Variants in ERBB2 observed in about 807,000 individuals in gnomAD.
ERBB2 encodes the protein erb-b2 receptor tyrosine kinase 2.
Under a neutral mutation model 149.0 loss-of-function variants are expected in ERBB2, and 61 were observed. The observed-to-expected ratio is 0.41, with a 90% CI of 0.33 to 0.51. ERBB2 has a LOEUF of 0.51. Among genes scored for constraint, ERBB2 ranks in the 20% least tolerant of loss-of-function variants. ERBB2 has a pLI of 0.25. For synonymous variants in ERBB2, 633 were observed against 678.8 expected, an observed-to-expected ratio of 0.93 and a Z score of 1.05; for missense variants, 1,205 against 1,655.1, an observed-to-expected ratio of 0.73 and a Z score of 4.72.
chr17:39,691,204 A>C (rs2517961), upstream of ERBB2, among the ~76,000 whole-genome samples: 147,919 of 152,098 alleles, frequency 0.97, 71,945 homozygotes, highest in East Asian at 1. Context: ...AAGGCACTGT[A>C]CTTTTCATGG....
At chr17:39,717,055 G>C (rs1286325676) in intron 14 of ERBB2, 2 of 480,878 alleles carry the variant, frequency 4.2e-6, no homozygotes, top group Non-Finnish European at 7.4e-6. Context: ...GTTACTCGCT[G>C]TTACACCTTA....
chr17:39,708,258 C>G, intron 2 of ERBB2, 63 bp from the exon 3 acceptor site: 3 of 1,378,242 alleles, frequency 2.2e-6, no homozygotes, highest in Admixed American at 1.8e-5. Flanking sequence ...CTGGGGAACC[C>G]CAGGGAGGCC....
rs774137752 is a variant in ERBB2, at chr17:39,725,816, C to CT, written c.2835_2836insT (p.Ile946TyrfsTer5). 4.3e-6 allele frequency: 7 copies of CT among 1,613,804 alleles called. No homozygotes were observed. The African/African-American group carries it at 9.3e-5, about 22-fold the overall frequency. ...AGGGGGAGCGGCTGCCCCAGCCCCC[C>CT]ATCTGCACCATTGATGTCTACATGA... On this transcript the variant is annotated frameshift_variant, in exon 23 of 27. Coordinates refer to ENST00000269571, the MANE Select transcript of ERBB2 (RefSeq NM_004448.4). LOFTEE classifies it high-confidence loss of function. The surrounding 1 kb of genome is among the most constrained non-coding windows in gnomAD (Gnocchi z 4.6).
In ERBB2 at chr17:39,723,237, A is replaced by G; in HGVS notation, c.1947-82A>G. The G allele has an allele frequency of 7.0e-7, 1 of 1,421,026 alleles. No homozygotes were observed. The highest frequency in any genetic ancestry group is 1.2e-5 in the South Asian group (1 of 80,042). The allele number at this position is 1,421,026 out of a possible 1,614,324, so 88.0% of individuals were successfully genotyped here. A position where few individuals can be genotyped will look rare whatever the true frequency, so the allele number is the denominator to read the frequency against. On this transcript the variant is annotated intron_variant, in intron 16 of 26. Transcript: ENST00000269571. This position sits in a 1 kb window ranked among gnomAD's most constrained non-coding sequence, Gnocchi z 6.2. ...CGACTTCCCTTTCCGAATGCCAAAC[A>G]CCTTCATGTCCCCCGTGGGCCCCCT...
At chr17:39,693,469 T>C (rs1431188563), upstream of ERBB2, 1 of 152,214 alleles carries the variant, frequency 6.6e-6, no homozygotes, top group East Asian at 1.9e-4. Context: ...AGTATTCTGG[T>C]AAACAGTAGA....
At position 39,727,767 on chromosome 17, in the gene ERBB2, G is replaced by T; in HGVS notation, c.3491G>T (p.Gly1164Val). The T allele has an allele frequency of 1.9e-6, 3 of 1,607,618 alleles. No homozygotes were observed. Among genetic ancestry groups the T allele is most frequent in the Non-Finnish European group, 1.7e-6 (2 of 1,175,342 alleles). ...CCTCTGCCTGCTGCCCGACCTGCTGGTGCCACTCTGGAAAGGCCCAAGACT... is the reference window on the plus strand; with the variant it reads ...CCTCTGCCTGCTGCCCGACCTGCTGTTGCCACTCTGGAAAGGCCCAAGACT... ...EGPLPAARPA[G>V]ATLERPKTLS... Residue 1164 changes from glycine to valine, a missense_variant, in exon 27 of 27, where the codon GGT (glycine) becomes GTT (valine). Around this residue, in one of 6 missense-constraint regions of ERBB2, gnomAD observed 312 missense variants for 343.8 expected, o/e 0.91. Transcript: ENST00000269571. The surrounding 1 kb of genome is among the most constrained non-coding windows in gnomAD (Gnocchi z 4.3).
chr17:39,723,675 C>A lies in ERBB2; in HGVS notation c.2208+15C>A, dbSNP rs2145817656. 6.3e-7 allele frequency: 1 copy of A among 1,595,982 alleles called. No homozygotes were observed. Among genetic ancestry groups the A allele is most frequent in the African/African-American group, 1.3e-5 (1 of 74,860 alleles). On this transcript the variant is annotated intron_variant, in intron 18 of 26. Coordinates refer to ENST00000269571, the MANE Select transcript of ERBB2 (RefSeq NM_004448.4). This position sits in a 1 kb window ranked among gnomAD's most constrained non-coding sequence, Gnocchi z 6.2. ...CAGTCTACAAGGTCAGGGCCAGGTC[C>A]TGGGGTGGGCGGCCCCAGAGGATGG... is the stretch of plus-strand genomic sequence containing the variant.
At chr17:39,710,033 G>A in intron 5 of ERBB2, 53 bp from the exon 6 acceptor site, 1 of 1,538,018 alleles carries the variant, frequency 6.5e-7, no homozygotes, top group Non-Finnish European at 8.9e-7. Flanking sequence ...ATGCTGATGA[G>A]GGTCTGGTGC....
At position 39,728,137 on chromosome 17, in the gene ERBB2, C is replaced by T. The variant is rs993183266; in HGVS notation, c.*93C>T. 9.3e-5 allele frequency: 81 copies of T among 872,614 alleles called. No homozygotes were observed. Among genetic ancestry groups the T allele is most frequent in the African/African-American group, 9.1e-4 (54 of 59,618 alleles). The allele number at this position is 872,614 out of a possible 1,614,324, so 54.1% of individuals were successfully genotyped here. ...GGCATCAAGAGGTGGGAGGGCCCTC[C>T]GACCACTTCCAGGGGAACCTGCCAT... On this transcript the variant is annotated 3_prime_UTR_variant, in exon 27 of 27. Coordinates refer to ENST00000269571, the MANE Select transcript of ERBB2 (RefSeq NM_004448.4).
upstream of ERBB2, chr17:39,699,733 A>T: frequency 1.5e-6 from 1 of 680,578 alleles, no homozygotes; most frequent in Non-Finnish European, 2.5e-6. Context: ...CCTGAGACTT[A>T]AAAGGGTGTT....
intron 1 of ERBB2, among the ~76,000 whole-genome samples, chr17:39,700,765 C>A (rs1181735415): frequency 1.3e-5 from 2 of 152,144 alleles, no homozygotes; most frequent in Non-Finnish European, 2.9e-5. Context: ...CCAGCCCCTC[C>A]CCGCTCCCCT....
chr17:39,725,309 C>T lies in ERBB2; in HGVS notation c.2650-18C>T, dbSNP rs1461022424. ...CCCACAACACACAGTTGGAGGACTT[C>T]CTCTTCTGCCCTCCCAGGTGCCCAT... is the stretch of plus-strand genomic sequence containing the variant. On this transcript the variant is annotated intron_variant, in intron 21 of 26. Coordinates refer to ENST00000269571, the MANE Select transcript of ERBB2 (RefSeq NM_004448.4). This position sits in a 1 kb window ranked among gnomAD's most constrained non-coding sequence, Gnocchi z 4.6. 1 of 1,613,818 alleles carries T rather than the reference C, an allele frequency of 6.2e-7. No homozygotes were observed. Among genetic ancestry groups the T allele is most frequent in the South Asian group, 1.1e-5 (1 of 91,066 alleles).
rs1656652862 is a variant in ERBB2 at position 39,727,934 on chromosome 17, C to G, written c.3658C>G (p.Leu1220Val). 1 of 1,614,176 alleles carries G rather than the reference C, an allele frequency of 6.2e-7. No homozygotes were observed. Among genetic ancestry groups the G allele is most frequent in the East Asian group, 2.2e-5 (1 of 44,894 alleles). The change falls in exon 27 of 27, where the codon CTC becomes GTC. Residue 1220 changes from leucine to valine, a missense_variant. By Grantham distance (32) the Leu-to-Val change is conservative. This residue lies in a region of ERBB2 where 312 missense variants were observed against 343.8 expected (regional missense o/e 0.91). Coordinates refer to ENST00000269571, the MANE Select transcript of ERBB2 (RefSeq NM_004448.4). This position sits in a 1 kb window ranked among gnomAD's most constrained non-coding sequence, Gnocchi z 4.3. ...TGCCTTCAGCCCAGCCTTCGACAAC[C>G]TCTATTACTGGGACCAGGACCCACC... ...PPAFSPAFDN[L>V]YYWDQDPPER...
In ERBB2 at chr17:39,709,376, G is replaced by A. The variant is rs370810322; in HGVS notation, c.498G>A (p.Thr166=). ...ACCCCCAGCTCTGCTACCAGGACAC[G>A]ATTTTGTGGAAGGACATCTTCCACA... ...QRNPQLCYQD[T]ILWKDIFHKN... The change falls in exon 4 of 27, where the codon ACG becomes ACA. Residue 166 remains threonine (T), a synonymous_variant. Transcript: ENST00000269571. The A allele has an allele frequency of 9.4e-5, 152 of 1,613,890 alleles. No individual in the cohort carries two copies. Among genetic ancestry groups the A allele is most frequent in the Non-Finnish European group, 1.2e-4 (140 of 1,179,972 alleles).
chr17:39,693,537 C>T (rs1344239041), upstream of ERBB2, among the ~76,000 whole-genome samples: 2 of 151,790 alleles, frequency 1.3e-5, no homozygotes, highest in Non-Finnish European at 2.9e-5. Context: ...CCTGGAATGC[C>T]GTGGTGTGAT....
chr17:39,727,512 G>C lies in ERBB2; in HGVS notation c.3377G>C (p.Gly1126Ala), dbSNP rs2143256967. 3 of 1,607,712 alleles carry C rather than the reference G, an allele frequency of 1.9e-6. No homozygotes were observed. Among genetic ancestry groups the C allele is most frequent in the Non-Finnish European group, 2.5e-6 (3 of 1,178,236 alleles). Residue 1126 changes from glycine (G) to alanine (A), a missense_variant, in exon 26 of 27, where the codon GGC becomes GCC. By Grantham distance (60) the Gly-to-Ala change is moderately conservative (BLOSUM62 0). Around this residue, in one of 6 missense-constraint regions of ERBB2, gnomAD observed 312 missense variants for 343.8 expected, o/e 0.91. Coordinates refer to ENST00000269571, the MANE Select transcript of ERBB2 (RefSeq NM_004448.4). This position sits in a 1 kb window ranked among gnomAD's most constrained non-coding sequence, Gnocchi z 4.3. ...PTVPLPSETD[G>A]YVAPLTCSPQ... ...GTACCCCTGCCCTCTGAGACTGATG[G>C]CTACGTTGCCCCCCTGACCTGCAGC...
upstream of ERBB2, among the ~76,000 whole-genome samples, chr17:39,691,326 G>C (rs533329139): frequency 6.6e-6 from 1 of 152,060 alleles, no homozygotes; most frequent in East Asian, 1.9e-4. Context: ...GGCGGATCAT[G>C]AGATCAGGAG....
At chr17:39,714,535 G>A (rs2059005031) in intron 9 of ERBB2, among the ~76,000 whole-genome samples, 1 of 152,160 alleles carries the variant, frequency 6.6e-6, no homozygotes, top group African/African-American at 2.4e-5. Context: ...GTTTGAATGA[G>A]TTAATATTTG....
At chr17:39,698,755 C>G (rs1279822181), upstream of ERBB2, among the ~76,000 whole-genome samples, 4 of 152,108 alleles carry the variant, frequency 2.6e-5, no homozygotes, top group Non-Finnish European at 4.4e-5. Flanking sequence ...GAAAGAGATG[C>G]TGGTGTCCTT....
Sources: allele counts gnomAD v4.1 joint callset (sites outside exome capture counted in the v4.1 genomes callset), GRCh38; gene constraint gnomAD v4.1.1; regional missense constraint gnomAD v4.1.1; non-coding constraint Gnocchi (gnomAD v3.1); transcripts MANE v1.5; gene names NCBI Gene and HGNC (gene_info 2026-07-23, HGNC 2026-07-21).